The following KDM4C variants were observed in gnomAD, a reference collection of about 807,000 sequenced individuals.
The protein encoded by KDM4C is lysine demethylase 4C, also known as lysine-specific demethylase 4C.
KDM4C carries 81 observed loss-of-function variants against 129.3 expected under a neutral mutation model. The ratio of observed to expected loss-of-function variants is 0.63; its 90% CI spans 0.52 to 0.75. KDM4C has a LOEUF of 0.75. Ranked by LOEUF, KDM4C falls within the 30% of genes least tolerant of loss-of-function variation. The pLI is 0.00. For synonymous variants in KDM4C, 573 were observed against 456.1 expected (o/e 1.26, Z -3.26); for missense variants, 1,457 against 1,304.0 (o/e 1.12, Z -1.81).
chr9:6,761,076 C>G (rs950558738), intron 1 of KDM4C, among the ~76,000 whole-genome samples: 2 of 146,882 alleles, frequency 1.4e-5, no homozygotes, highest in African/African-American at 5.1e-5. Context: ...ATGGCGCGAT[C>G]TCGGCTCACT....
intron 4 of KDM4C, among the ~76,000 whole-genome samples, chr9:6,847,117 T>C (rs1048032506): frequency 1.3e-5 from 2 of 152,230 alleles, no homozygotes; most frequent in East Asian, 3.8e-4. Flanking sequence ...AAAACTTAGA[T>C]GTCTCCATAT....
At chr9:6,759,213 T>G (rs888937849) in intron 1 of KDM4C, among the ~76,000 whole-genome samples, 2 of 152,154 alleles carry the variant, frequency 1.3e-5, no homozygotes, top group African/African-American at 4.8e-5. Context: ...ACTAGTAGGT[T>G]CCGGCCACTT....
chr9:7,167,786 T>C (rs1844547888), intron 20 of KDM4C, among the ~76,000 whole-genome samples: 1 of 152,238 alleles, frequency 6.6e-6, no homozygotes. Context: ...GCTAGACCAA[T>C]GCATTGGCAC....
At chr9:6,821,775 CAGGTGCATG>C (rs569517407) in intron 4 of KDM4C, among the ~76,000 whole-genome samples, 178 of 152,178 alleles carry the variant, frequency 1.2e-3, no homozygotes, top group African/African-American at 4.1e-3. Flanking sequence ...GCTGGGATTA[CAGGTGCATG>C]CCACCACACC....
intron 17 of KDM4C, among the ~76,000 whole-genome samples, chr9:7,088,883 T>G (rs888498320): frequency 2.0e-5 from 3 of 152,196 alleles, no homozygotes; most frequent in African/African-American, 4.8e-5. Flanking sequence ...CATAGCAGCT[T>G]GGAACTCCTT....
Position 6,758,242 on chromosome 9 carries a change from G to T in KDM4C, c.-18+39G>T, listed in dbSNP as rs371719181. ...CGGAGTCTGGGGGCCAGGGCGGGGG[G>T]AGGGTCCGGAGAGGTCTTCCCGGCA... On this transcript the variant is annotated intron_variant, in intron 1 of 21. Coordinates refer to ENST00000381309, the MANE Select transcript of KDM4C (RefSeq NM_015061.6). This position sits in a 1 kb window ranked among gnomAD's most constrained non-coding sequence, Gnocchi z 4.6. The T allele has an allele frequency of 4.1e-6, 4 of 978,984 alleles. No homozygotes were observed. In the East Asian group the frequency reaches 4.6e-4, roughly 111 times the overall value. The allele number at this position is 978,984 out of a possible 1,614,324, so 60.6% of individuals were successfully genotyped here.
In KDM4C at chr9:7,052,440, A is replaced by C. The variant is rs142097575; in HGVS notation, c.2424+3240A>C. Among the ~76,000 whole-genome samples the C allele has an allele frequency of 2.3e-3, 354 of 152,362 alleles. 3 individuals carry two copies. The highest frequency in any genetic ancestry group is 7.8e-3 in the African/African-American group (323 of 41,594). ...TCATTATTTGCACGTCAGGCTTATA[A>C]TGACTGTGGCTGGAGGAGTGCGATC... is the stretch of plus-strand genomic sequence containing the variant. On this transcript the variant is annotated intron_variant, in intron 17 of 21. Coordinates refer to ENST00000381309, the MANE Select transcript of KDM4C (RefSeq NM_015061.6).
Position 6,875,658 on chromosome 9 carries a change from C to T in KDM4C, c.630-4354C>T, listed in dbSNP as rs116604669. Among the ~76,000 whole-genome samples the T allele has an allele frequency of 6.5e-3, 995 of 152,230 alleles. 18 individuals are homozygous for T. The highest frequency in any genetic ancestry group is 0.023 in the African/African-American group (956 of 41,526). On this transcript the variant is annotated intron_variant, in intron 5 of 21. Coordinates refer to ENST00000381309, the MANE Select transcript of KDM4C (RefSeq NM_015061.6). ...CCTTCTCTTTTATCCTCTTCTTATT[C>T]ACACTAACTGCCATATGATAGTAGA...
At chr9:6,776,700 GTTCAAGCGA>G (rs1823137147) in intron 1 of KDM4C, among the ~76,000 whole-genome samples, 1 of 149,966 alleles carries the variant, frequency 6.7e-6, no homozygotes, top group Admixed American at 6.7e-5. Context: ...CACCTCCTGG[GTTCAAGCGA>G]TTCTTGTCTC....
At position 6,758,138 on chromosome 9, in the gene KDM4C, G is replaced by T. The variant is rs1340441893; in HGVS notation, c.-83G>T. ...TCCCAAATTTCCCAAATCTCCCTGG[G>T]CCGGAGGCCACTGTCTTCTCTTCCT... On this transcript the variant is annotated 5_prime_UTR_variant, in exon 1 of 22. Transcript: ENST00000381309. This position sits in a 1 kb window ranked among gnomAD's most constrained non-coding sequence, Gnocchi z 4.6. 7 of 985,542 alleles carry T rather than the reference G, an allele frequency of 7.1e-6. No individual in the cohort carries two copies. The South Asian group carries it at 1.9e-4, about 26-fold the overall frequency. 61.0% of individuals were successfully genotyped at this position (985,542 alleles called of 1,614,324 possible). A position where few individuals can be genotyped will look rare whatever the true frequency, so the allele number is the denominator to read the frequency against.
chr9:6,806,489 C>T (rs910458014), intron 3 of KDM4C, among the ~76,000 whole-genome samples: 7 of 146,554 alleles, frequency 4.8e-5, no homozygotes, highest in East Asian at 2.0e-4. Flanking sequence ...AGTGAAACTC[C>T]GTCTCGAAAA....
chr9:6,928,189 C>G (rs1045125704), intron 8 of KDM4C, among the ~76,000 whole-genome samples: 1 of 152,188 alleles, frequency 6.6e-6, no homozygotes, highest in African/African-American at 2.4e-5. Context: ...CCTTGCAACA[C>G]ATTCTTCTCA....
chr9:7,080,368 A>G (rs1834391735), intron 17 of KDM4C, among the ~76,000 whole-genome samples: 1 of 152,148 alleles, frequency 6.6e-6, no homozygotes, highest in African/African-American at 2.4e-5. Context: ...GAGGAGAGCT[A>G]CCCCACTGAA....
At chr9:7,078,878 G>A (rs1834216341) in intron 17 of KDM4C, among the ~76,000 whole-genome samples, 1 of 152,172 alleles carries the variant, frequency 6.6e-6, no homozygotes, top group East Asian at 1.9e-4. Flanking sequence ...GATGTAACAT[G>A]TAGTTGTACT....
chr9:7,122,286 T>TCTCTCTCTCTCTCTCTCTC (rs1554752013), intron 18 of KDM4C, among the ~76,000 whole-genome samples: 1 of 87,720 alleles, frequency 1.1e-5, no homozygotes, highest in African/African-American at 4.1e-5. Flanking sequence ...CTCTCTCTCT[T>TCTCTCTCTCTCTCTCTCTC]AAACAGCCAG....
At chr9:7,014,351 G>A (rs1232376306) in intron 14 of KDM4C, 1 of 177,072 alleles carries the variant, frequency 5.6e-6, no homozygotes, top group Non-Finnish European at 1.2e-5. Flanking sequence ...ACTGATTGAT[G>A]ACTGCTTTTC....
At chr9:6,735,749 G>T (rs929688657) in intron 1 of KDM4C, among the ~76,000 whole-genome samples, 1 of 152,110 alleles carries the variant, frequency 6.6e-6, no homozygotes. Context: ...CGTGAAAATG[G>T]ACTCATACAT....
At chr9:6,802,406 CTG>C (rs1213812635) in intron 2 of KDM4C, among the ~76,000 whole-genome samples, 5 of 152,158 alleles carry the variant, frequency 3.3e-5, no homozygotes, top group Non-Finnish European at 7.3e-5. Context: ...TTAGAAGTGT[CTG>C]TGTATGCATG....
chr9:7,164,161 A>G (rs549000240), intron 19 of KDM4C, among the ~76,000 whole-genome samples: 2 of 152,332 alleles, frequency 1.3e-5, no homozygotes, highest in East Asian at 3.8e-4. Flanking sequence ...CATCAGTAAA[A>G]TACCAGTATT....
Sources: allele counts gnomAD v4.1 joint callset (sites outside exome capture counted in the v4.1 genomes callset), GRCh38; gene constraint gnomAD v4.1.1; non-coding constraint Gnocchi (gnomAD v3.1); transcripts MANE v1.5; gene names NCBI Gene and HGNC (gene_info 2026-07-23, HGNC 2026-07-21).